The following ARPP21 variants were observed in gnomAD, a reference collection of about 807,000 sequenced individuals.
The protein encoded by ARPP21 is cAMP-regulated phosphoprotein 21.
In ARPP21, 69 loss-of-function variants were observed where a neutral mutation model predicts 113.2. The observed-to-expected ratio is 0.61, with a 90% CI of 0.50 to 0.74. ARPP21 has a LOEUF of 0.74. Ranked by LOEUF, ARPP21 falls within the 30% of genes least tolerant of loss-of-function variation. The pLI is 0.00. For synonymous variants in ARPP21, 368 were observed against 375.5 expected (o/e 0.98, Z 0.23); for missense variants, 1,070 against 1,037.4 (o/e 1.03, Z -0.43).
intron 19 of ARPP21, among the ~76,000 whole-genome samples, chr3:35,762,457 G>A (rs2095818421): frequency 1.3e-5 from 2 of 152,122 alleles, no homozygotes; most frequent in East Asian, 3.9e-4. Flanking sequence ...CAGGGTACTA[G>A]TATATTGGCC....
chr3:35,730,349 G>T (rs1311891133), intron 15 of ARPP21, among the ~76,000 whole-genome samples: 1 of 152,200 alleles, frequency 6.6e-6, no homozygotes, highest in Non-Finnish European at 1.5e-5. Context: ...TGGCCCCAAG[G>T]CCATTCCGCA....
At chr3:35,695,079 G>T (rs75832969) in intron 9 of ARPP21, among the ~76,000 whole-genome samples, 2,204 of 151,186 alleles carry the variant, frequency 0.015, 51 homozygotes, top group African/African-American at 0.05. Context: ...ATGTTCGTAA[G>T]AGGGGGTGAA....
At chr3:35,717,031 C>A (rs977449947) in intron 12 of ARPP21, among the ~76,000 whole-genome samples, 2 of 151,852 alleles carry the variant, frequency 1.3e-5, no homozygotes, top group African/African-American at 4.8e-5. Context: ...CTCTATTATA[C>A]CTATATCAAT....
chr3:35,712,308 C>T (rs182179959), intron 11 of ARPP21, among the ~76,000 whole-genome samples: 16 of 152,214 alleles, frequency 1.1e-4, no homozygotes, highest in Non-Finnish European at 1.3e-4. Flanking sequence ...GCTAACAAAG[C>T]GGCTTTCCTT....
At chr3:35,790,878 A>G (rs1349447831) in intron 19 of ARPP21, among the ~76,000 whole-genome samples, 3 of 152,218 alleles carry the variant, frequency 2.0e-5, no homozygotes, top group Non-Finnish European at 4.4e-5. Context: ...AAGAATGTAA[A>G]ACAATGGGAC....
chr3:35,732,627 C>A (rs753706953), intron 15 of ARPP21, among the ~76,000 whole-genome samples: 3 of 152,200 alleles, frequency 2.0e-5, no homozygotes, highest in Non-Finnish European at 2.9e-5. Context: ...TCAGTGCAAT[C>A]CAGAAATGTC....
Position 35,706,976 on chromosome 3 carries a change from C to A in ARPP21, c.689C>A (p.Pro230Gln). Residue 230 changes from proline to glutamine, a missense_variant and splice_region_variant, in exon 10 of 21, where the codon CCA becomes CAA. Physicochemically the swap from Pro to Gln is moderately conservative, Grantham distance 76. Coordinates refer to ENST00000684406, the MANE Select transcript of ARPP21 (RefSeq NM_001385562.1). The part of the protein sequence containing the change: ...IINKTSSTRI[P>Q]EQRFCEHLKD... ...GATATGTTTTACTTTGCTGGCAGAC[C>A]AGAGCAAAGGTTTTGTGAACATTTA... 6.2e-7 allele frequency: 1 copy of A among 1,611,084 alleles called. No individual in the cohort carries two copies. Among genetic ancestry groups the A allele is most frequent in the Non-Finnish European group, 8.5e-7 (1 of 1,178,678 alleles).
intron 15 of ARPP21, among the ~76,000 whole-genome samples, chr3:35,735,338 T>C (rs1242198333): frequency 6.6e-6 from 1 of 152,010 alleles, no homozygotes; most frequent in African/African-American, 2.4e-5. Context: ...GTCTTGAACT[T>C]CTGAGCTCAA....
intron 13 of ARPP21, among the ~76,000 whole-genome samples, chr3:35,718,070 G>A (rs2092652468): frequency 6.6e-6 from 1 of 152,012 alleles, no homozygotes; most frequent in Non-Finnish European, 1.5e-5. Context: ...TGAGTGTTAG[G>A]ATTTACCTCC....
chr3:35,684,176 G>A, intron 5 of ARPP21: 1 of 1,371,510 alleles, frequency 7.3e-7, no homozygotes, highest in Non-Finnish European at 9.5e-7. Context: ...CTTCCTTGTT[G>A]GAGATGTCTT....
At chr3:35,746,885 T>G (rs915648101) in intron 19 of ARPP21, among the ~76,000 whole-genome samples, 1 of 152,220 alleles carries the variant, frequency 6.6e-6, no homozygotes, top group Non-Finnish European at 1.5e-5. Context: ...TAAAGTGAAC[T>G]GGACACTATA....
intron 9 of ARPP21, among the ~76,000 whole-genome samples, chr3:35,695,540 G>A (rs896974525): frequency 2.0e-5 from 3 of 151,546 alleles, no homozygotes; most frequent in Non-Finnish European, 4.4e-5. Context: ...AAGTAGACAC[G>A]TAACAAATGT....
At chr3:35,712,432 A>G (rs984086618) in intron 11 of ARPP21, among the ~76,000 whole-genome samples, 3 of 152,106 alleles carry the variant, frequency 2.0e-5, no homozygotes, top group Non-Finnish European at 4.4e-5. Context: ...CCTGGTATTT[A>G]CAATTTAGCA....
intron 1 of ARPP21, among the ~76,000 whole-genome samples, chr3:35,646,469 T>C (rs1231033332): frequency 2.0e-5 from 3 of 152,142 alleles, no homozygotes; most frequent in Non-Finnish European, 2.9e-5. Context: ...GATGTGAGTA[T>C]GTGACAGAAT....
At chr3:35,786,542 AG>A (rs952057247) in intron 19 of ARPP21, among the ~76,000 whole-genome samples, 2 of 151,532 alleles carry the variant, frequency 1.3e-5, no homozygotes, top group African/African-American at 4.9e-5. Context: ...AAAAAAAAAA[AG>A]TTCTACTTAG....
chr3:35,768,411 G>A (rs1207693167), intron 19 of ARPP21, among the ~76,000 whole-genome samples: 1 of 152,026 alleles, frequency 6.6e-6, no homozygotes, highest in African/African-American at 2.4e-5. Context: ...TGGAACATTG[G>A]CTAACACGGA....
intron 19 of ARPP21, among the ~76,000 whole-genome samples, chr3:35,785,444 T>C (rs1038984600): frequency 2.6e-5 from 4 of 152,170 alleles, no homozygotes; most frequent in Admixed American, 2.0e-4. Context: ...GAGGCATTCA[T>C]TGAAATTCCG....
chr3:35,777,435 G>A (rs1559933710), intron 19 of ARPP21, among the ~76,000 whole-genome samples: 1 of 152,166 alleles, frequency 6.6e-6, no homozygotes, highest in South Asian at 2.1e-4. Context: ...GGAAGAACTA[G>A]CATGGAGCTT....
chr3:35,723,658 A>G (rs537720166), intron 14 of ARPP21, among the ~76,000 whole-genome samples: 113 of 152,318 alleles, frequency 7.4e-4, no homozygotes, highest in African/African-American at 2.6e-3. Context: ...AGCTCTTAAG[A>G]TTTTTAAATT....
Sources: allele counts gnomAD v4.1 joint callset (sites outside exome capture counted in the v4.1 genomes callset), GRCh38; gene constraint gnomAD v4.1.1; transcripts MANE v1.5; gene names NCBI Gene and HGNC (gene_info 2026-07-23, HGNC 2026-07-21).